ZNF277: variants seen among roughly 807,000 people sequenced by gnomAD.
ZNF277 encodes zinc finger protein 277, also known as nuclear receptor-interacting factor 4.
In ZNF277, 55 loss-of-function variants were observed where a neutral mutation model predicts 60.7. The ratio of observed to expected loss-of-function variants is 0.91; its 90% CI spans 0.73 to 1.13. ZNF277 has a LOEUF of 1.13. ZNF277 is among the 50% of genes most tolerant of loss of function. The probability of loss-of-function intolerance (pLI) is 0.00; values close to 1 mark genes in which losing one functional copy is unlikely to be tolerated. For synonymous variants in ZNF277, 178 were observed against 179.3 expected (o/e 0.99, Z 0.06); for missense variants, 510 against 523.0 (o/e 0.98, Z 0.24).
intron 1 of ZNF277, among the ~76,000 whole-genome samples, chr7:112,216,486 T>C (rs1160944975): frequency 6.6e-6 from 1 of 152,134 alleles, no homozygotes; most frequent in African/African-American, 2.4e-5. Context: ...AATTTTGTAT[T>C]TTTTGTATAG....
chr7:112,297,484 A>C (rs1039142310), intron 4 of ZNF277, among the ~76,000 whole-genome samples: 1 of 152,192 alleles, frequency 6.6e-6, no homozygotes, highest in African/African-American at 2.4e-5. Context: ...GCTATTTACC[A>C]TAGTCATATA....
chr7:112,340,794 G>T, intron 10 of ZNF277, 78 bp from the exon 11 acceptor site: 2 of 1,241,802 alleles, frequency 1.6e-6, no homozygotes, highest in Non-Finnish European at 2.3e-6. Flanking sequence ...AAAATAAGTG[G>T]CTCCTTTAAG....
chr7:112,264,190 G>A (rs1229732321), intron 1 of ZNF277, among the ~76,000 whole-genome samples: 1 of 151,298 alleles, frequency 6.6e-6, no homozygotes, highest in Admixed American at 6.6e-5. Context: ...AATGGATTAT[G>A]TACACTAATA....
At chr7:112,235,709 C>T (rs1822469810) in intron 1 of ZNF277, among the ~76,000 whole-genome samples, 1 of 151,958 alleles carries the variant, frequency 6.6e-6, no homozygotes, top group Non-Finnish European at 1.5e-5. Context: ...TGTGGGCTGT[C>T]TTTCCATGTT....
chr7:112,276,689 T>C (rs1791801776), intron 1 of ZNF277, among the ~76,000 whole-genome samples: 1 of 152,186 alleles, frequency 6.6e-6, no homozygotes, highest in African/African-American at 2.4e-5. Flanking sequence ...ATTAGTAAAT[T>C]GCTGTGTTTA....
intron 1 of ZNF277, among the ~76,000 whole-genome samples, chr7:112,252,353 T>G (rs761122205): frequency 3.3e-5 from 5 of 152,172 alleles, no homozygotes; most frequent in Non-Finnish European, 7.3e-5. Flanking sequence ...AGAGCCCCGT[T>G]GTTCTTTAAG....
At chr7:112,310,461 G>GAGAGAGAGAGAGAGAGAGAC (rs1465946044) in intron 4 of ZNF277, among the ~76,000 whole-genome samples, 2 of 144,424 alleles carry the variant, frequency 1.4e-5, no homozygotes, top group African/African-American at 5.6e-5. Flanking sequence ...GTTTGAGAGA[G>GAGAGAGAGAGAGAGAGAGAC]AGAGAGAGAG....
intron 11 of ZNF277, among the ~76,000 whole-genome samples, chr7:112,342,009 A>T (rs568158468): frequency 2.6e-4 from 40 of 152,302 alleles, no homozygotes; most frequent in Non-Finnish European, 4.7e-4. Flanking sequence ...TCCTTTTGTG[A>T]TTACCTAGAA....
At chr7:112,293,241 T>C (rs562689356) in intron 2 of ZNF277, among the ~76,000 whole-genome samples, 11 of 152,102 alleles carry the variant, frequency 7.2e-5, no homozygotes, top group Non-Finnish European at 2.9e-5. Context: ...TAGCATAAGA[T>C]CTGTGCAGAT....
chr7:112,258,175 T>G (rs1563206487), intron 1 of ZNF277, among the ~76,000 whole-genome samples: 2 of 152,144 alleles, frequency 1.3e-5, no homozygotes. Context: ...TGCCAGTTTG[T>G]AGGTCCTGAG....
intron 4 of ZNF277, among the ~76,000 whole-genome samples, chr7:112,303,317 T>G (rs1441650297): frequency 1.3e-5 from 2 of 152,142 alleles, no homozygotes; most frequent in Non-Finnish European, 2.9e-5. Flanking sequence ...GACATAAATA[T>G]GTATGTAAAT....
intron 1 of ZNF277, among the ~76,000 whole-genome samples, chr7:112,259,327 A>G (rs1291633927): frequency 6.6e-6 from 1 of 152,170 alleles, no homozygotes; most frequent in Non-Finnish European, 1.5e-5. Flanking sequence ...GTATATTCCA[A>G]ATATTAGAAG....
chr7:112,341,035 G>A lies in ZNF277; in HGVS notation c.1173G>A (p.Trp391Ter). Residue 391 changes from tryptophan (W) to a stop codon, truncating the protein, a stop_gained, in exon 11 of 12, where the codon TGG (tryptophan) becomes TGA (stop). Transcript: ENST00000361822. LOFTEE classifies it high-confidence loss of function. ...HTSLLPDRKT[W>*]DQLEYYFPTY... ...CGCTGCTCCCCGATAGAAAGACGTG[G>A]GATCAACTGGAGTACGTACTGCAAA... 2 of 1,600,852 alleles carry A rather than the reference G, an allele frequency of 1.2e-6. No individual in the cohort carries two copies. The highest frequency in any genetic ancestry group is 2.3e-5 in the East Asian group (1 of 44,412).
At chr7:112,251,616 G>A (rs1276075850) in intron 1 of ZNF277, among the ~76,000 whole-genome samples, 1 of 152,134 alleles carries the variant, frequency 6.6e-6, no homozygotes, top group Non-Finnish European at 1.5e-5. Flanking sequence ...CCTAGAATCT[G>A]GGGACCTGCA....
intron 4 of ZNF277, among the ~76,000 whole-genome samples, chr7:112,307,357 T>C (rs966210152): frequency 6.6e-6 from 1 of 152,068 alleles, no homozygotes; most frequent in African/African-American, 2.4e-5. Flanking sequence ...TAGAATTCAG[T>C]TTGTCTAGTT....
Position 112,320,917 on chromosome 7 carries a change from C to CTTTTTTT in ZNF277, c.557+2660_557+2666dup, listed in dbSNP as rs1230552751. 1.2e-3 allele frequency among the ~76,000 whole-genome samples: 122 copies of CTTTTTTT among 98,344 alleles called. 2 individuals are homozygous for CTTTTTTT. The highest frequency in any genetic ancestry group is 2.1e-3 in the African/African-American group (54 of 25,298). The allele number at this position is 98,344 out of a possible 152,430, so 64.5% of individuals were successfully genotyped here. ...TGATTTTTAGTTCCCTTGTTTCTTT[C>CTTTTTTT]TTTTTTTTTTTTTTTTTTTTTTGAG... On this transcript the variant is annotated intron_variant, in intron 5 of 11. Coordinates refer to ENST00000361822, the MANE Select transcript of ZNF277 (RefSeq NM_021994.3).
At chr7:112,228,454 CTTTTTTTTTTTTTTTT>C (rs71150013) in intron 1 of ZNF277, among the ~76,000 whole-genome samples, 3 of 36,378 alleles carry the variant, frequency 8.2e-5, no homozygotes, top group African/African-American at 3.0e-4. Flanking sequence ...GAGGAGAGGC[CTTTTTTTTTTTTTTTT>C]TTTTTTTTTT....
intron 1 of ZNF277, among the ~76,000 whole-genome samples, chr7:112,274,265 C>A (rs982525328): frequency 1.7e-4 from 26 of 152,050 alleles, no homozygotes; most frequent in Non-Finnish European, 3.2e-4. Flanking sequence ...CCAAGCAATC[C>A]TCTCACCTCA....
chr7:112,232,042 C>CATATATATATAT lies in ZNF277; in HGVS notation c.91+25266_91+25277dup, dbSNP rs67934905. Among the ~76,000 whole-genome samples the CATATATATATAT allele has an allele frequency of 1.1e-3, 151 of 133,190 alleles. 5 individuals are homozygous for CATATATATATAT. Among genetic ancestry groups the CATATATATATAT allele is most frequent in the African/African-American group, 3.2e-3 (102 of 31,388 alleles). The allele number at this position is 133,190 out of a possible 152,430, so 87.4% of individuals were successfully genotyped here. A position where few individuals can be genotyped will look rare whatever the true frequency, so the allele number is the denominator to read the frequency against. ...GAACTGCCCCTAAAATAAATAAATA[C>CATATATATATAT]ATATATATATATATATATATATATA... On this transcript the variant is annotated intron_variant, in intron 1 of 11. Coordinates refer to ENST00000361822, the MANE Select transcript of ZNF277 (RefSeq NM_021994.3).
Sources: gnomAD v4.1 joint callset for allele counts (sites outside exome capture counted in the v4.1 genomes callset) on GRCh38, gnomAD v4.1.1 for gene constraint, MANE v1.5 for transcripts, NCBI Gene and HGNC (gene_info 2026-07-23, HGNC 2026-07-21) for gene names.